Variants in RAD51B observed in about 807,000 individuals in gnomAD.
RAD51B encodes the protein DNA repair protein RAD51 homolog 2.
A neutral mutation model predicts 42.2 loss-of-function variants in RAD51B; 38 were observed. That is an observed-to-expected ratio of 0.90 (90% confidence interval 0.70 to 1.18). The LOEUF (loss-of-function observed/expected upper bound fraction) is 1.18, where lower values mean the gene tolerates loss of function less well. RAD51B is among the 50% of genes most tolerant of loss of function. The pLI is 0.00. For missense variants in RAD51B, 373 were observed against 400.7 expected (o/e 0.93, Z 0.59); for synonymous variants, 154 against 145.2 (o/e 1.06, Z -0.43).
chr14:68,585,704 C>T (rs1034183038), intron 10 of RAD51B, among the ~76,000 whole-genome samples: 1 of 152,148 alleles, frequency 6.6e-6, no homozygotes, highest in African/African-American at 2.4e-5. Context: ...GTGTCCTGCT[C>T]ACTGCAAGGA....
intron 10 of RAD51B, among the ~76,000 whole-genome samples, chr14:68,484,103 C>T (rs1459526521): frequency 6.6e-6 from 1 of 152,184 alleles, no homozygotes; most frequent in African/African-American, 2.4e-5. Flanking sequence ...TTCTTCAGGT[C>T]TCAAACATAG....
At chr14:68,521,947 C>G (rs71423314) in intron 10 of RAD51B, among the ~76,000 whole-genome samples, 28,336 of 152,178 alleles carry the variant, frequency 0.19, 3,369 homozygotes, top group Non-Finnish European at 0.27. Context: ...AACTTCAGCC[C>G]TATGTTAACT....
chr14:67,903,931 G>A (rs1173823666), intron 7 of RAD51B, among the ~76,000 whole-genome samples: 2 of 152,014 alleles, frequency 1.3e-5, no homozygotes, highest in Non-Finnish European at 2.9e-5. Flanking sequence ...GTAGGCCCCC[G>A]TATCTATGGT....
chr14:68,303,907 T>A (rs2081801976), intron 8 of RAD51B, among the ~76,000 whole-genome samples: 1 of 152,168 alleles, frequency 6.6e-6, no homozygotes, highest in African/African-American at 2.4e-5. Context: ...TGGTGGCTCA[T>A]ACCTATAATC....
chr14:68,283,549 A>T (rs2081360167), intron 7 of RAD51B, among the ~76,000 whole-genome samples: 1 of 152,218 alleles, frequency 6.6e-6, no homozygotes, highest in Admixed American at 6.5e-5. Flanking sequence ...GCATTGTCAC[A>T]GTTCACCAAT....
intron 7 of RAD51B, among the ~76,000 whole-genome samples, chr14:67,891,275 T>C (rs2043210972): frequency 6.6e-6 from 1 of 152,180 alleles, no homozygotes; most frequent in Non-Finnish European, 1.5e-5. Flanking sequence ...AAATGCCTTA[T>C]TTTCATTGAA....
chr14:68,073,213 G>T (rs544435146), intron 7 of RAD51B, among the ~76,000 whole-genome samples: 10 of 152,236 alleles, frequency 6.6e-5, no homozygotes, highest in African/African-American at 2.4e-4. Context: ...CCAGTGTTGG[G>T]TGCATATATA....
intron 5 of RAD51B, among the ~76,000 whole-genome samples, chr14:67,867,278 G>A (rs1409296578): frequency 1.3e-5 from 2 of 152,196 alleles, no homozygotes; most frequent in Non-Finnish European, 2.9e-5. Context: ...AAAGCTTACT[G>A]CTGCAGATAA....
At chr14:67,936,673 G>C (rs1196832026) in intron 7 of RAD51B, among the ~76,000 whole-genome samples, 4 of 152,142 alleles carry the variant, frequency 2.6e-5, no homozygotes, top group Admixed American at 6.5e-5. Context: ...GAACTGTGAA[G>C]CCACTTTTCC....
intron 8 of RAD51B, among the ~76,000 whole-genome samples, chr14:68,358,968 C>T (rs2082962761): frequency 6.6e-6 from 1 of 152,184 alleles, no homozygotes; most frequent in Non-Finnish European, 1.5e-5. Context: ...TGCCCCTCTG[C>T]TGCAGTACCA....
At chr14:68,263,188 C>T (rs775858049) in intron 7 of RAD51B, among the ~76,000 whole-genome samples, 2 of 152,208 alleles carry the variant, frequency 1.3e-5, no homozygotes, top group Non-Finnish European at 2.9e-5. Flanking sequence ...CATTTTCCCA[C>T]AACTTATGCA....
At chr14:68,005,831 G>A in intron 7 of RAD51B, among the ~76,000 whole-genome samples, 1 of 152,170 alleles carries the variant, frequency 6.6e-6, no homozygotes, top group East Asian at 1.9e-4. Context: ...TCCATAGGCT[G>A]TACAGGAAGC....
chr14:68,026,692 A>G (rs577497174), intron 7 of RAD51B, among the ~76,000 whole-genome samples: 1 of 151,648 alleles, frequency 6.6e-6, no homozygotes, highest in Non-Finnish European at 1.5e-5. Context: ...TTCCATTTGC[A>G]TGCTAGATCT....
chr14:68,337,451 A>T (rs781068614), intron 8 of RAD51B, among the ~76,000 whole-genome samples: 2 of 152,238 alleles, frequency 1.3e-5, no homozygotes, highest in Non-Finnish European at 2.9e-5. Flanking sequence ...CCATTGTAGC[A>T]TGCAGCTTTG....
chr14:68,573,422 A>C (rs898360087), intron 10 of RAD51B, among the ~76,000 whole-genome samples: 1 of 151,990 alleles, frequency 6.6e-6, no homozygotes, highest in African/African-American at 2.4e-5. Flanking sequence ...CTGCCTCCTC[A>C]CTGCCCATAC....
intron 7 of RAD51B, among the ~76,000 whole-genome samples, chr14:68,266,604 G>A (rs1374396398): frequency 6.6e-6 from 1 of 152,212 alleles, no homozygotes; most frequent in African/African-American, 2.4e-5. Context: ...ATATTTGGGG[G>A]TATCCTGTTC....
chr14:68,062,102 T>A (rs553876362), intron 7 of RAD51B, among the ~76,000 whole-genome samples: 11 of 152,328 alleles, frequency 7.2e-5, no homozygotes, highest in African/African-American at 2.6e-4. Flanking sequence ...CAGTTTTTAC[T>A]ATAAAGGGAT....
intron 7 of RAD51B, among the ~76,000 whole-genome samples, chr14:68,058,523 G>A (rs1980654): frequency 0.24 from 37,002 of 151,994 alleles, 5,301 homozygotes; most frequent in African/African-American, 0.4. Flanking sequence ...AGGCATATCT[G>A]TTTTTCTTGT....
At chr14:68,049,397 C>G (rs984140716) in intron 7 of RAD51B, among the ~76,000 whole-genome samples, 1 of 151,980 alleles carries the variant, frequency 6.6e-6, no homozygotes, top group Admixed American at 6.6e-5. Flanking sequence ...GAAATGAGTC[C>G]AGGAATCAGT....
Sources: allele counts gnomAD v4.1 joint callset (sites outside exome capture counted in the v4.1 genomes callset), GRCh38; gene constraint gnomAD v4.1.1; transcripts MANE v1.5; gene names NCBI Gene and HGNC (gene_info 2026-07-23, HGNC 2026-07-21).